Variants in YOD1 observed in about 807,000 individuals in gnomAD.
YOD1 encodes ubiquitin thioesterase OTU1.
YOD1 carries 17 observed loss-of-function variants against 23.7 expected under a neutral mutation model. The ratio of observed to expected loss-of-function variants is 0.72; its 90% confidence interval spans 0.49 to 1.07. The LOEUF is 1.07. YOD1 is among the 50% of genes least tolerant of loss of function. The probability of loss-of-function intolerance (pLI) is 0.00; values close to 1 mark genes in which losing one functional copy is unlikely to be tolerated. For synonymous variants in YOD1, 191 were observed against 169.6 expected (o/e 1.13, Z -0.98); for missense variants, 413 against 447.2 (o/e 0.92, Z 0.69).
chr1:207,046,936 T>G lies in YOD1; in HGVS notation c.*2084A>C, dbSNP rs960145030. On this transcript the variant is annotated 3_prime_UTR_variant, in exon 2 of 2. Coordinates refer to ENST00000315927, the MANE Select transcript of YOD1 (RefSeq NM_018566.4). ...TAGATCTAAAGCTGTAGTAAGCAAA[T>G]GTCAACTCTGTGTCCTGAAGTAGCA... The G allele has an allele frequency of 6.6e-6, 1 of 152,024 alleles. No homozygotes were observed. Among genetic ancestry groups the G allele is most frequent in the African/African-American group, 2.4e-5 (1 of 41,368 alleles). 9.4% of individuals were successfully genotyped at this position (152,024 alleles called of 1,614,324 possible).
Position 207,048,805 on chromosome 1 carries a change from C to T in YOD1, c.*215G>A. 1 of 523,206 alleles carries T rather than the reference C, an allele frequency of 1.9e-6. No individual in the cohort carries two copies. The highest frequency in any genetic ancestry group is 3.4e-6 in the Non-Finnish European group (1 of 295,810). The allele number at this position is 523,206 out of a possible 1,614,324, so 32.4% of individuals were successfully genotyped here. On this transcript the variant is annotated 3_prime_UTR_variant, in exon 2 of 2. Coordinates refer to ENST00000315927, the MANE Select transcript of YOD1 (RefSeq NM_018566.4). Reference sequence around the variant, plus strand: ...ATTCTGTCACTCCAGCAGAAAGAGGCATGTATGTACAGTTTACCACTGTAG... The same window carrying T: ...ATTCTGTCACTCCAGCAGAAAGAGGTATGTATGTACAGTTTACCACTGTAG...
rs1382206660 is a variant in YOD1, at chr1:207,048,993, A to T, written c.*27T>A. On this transcript the variant is annotated 3_prime_UTR_variant, in exon 2 of 2. Coordinates refer to ENST00000315927, the MANE Select transcript of YOD1 (RefSeq NM_018566.4). ...GAGCCTTCTGGATGTGTGAGGTAGT[A>T]GGCTTCAACCCTCATTCATGCATAG... 6.3e-7 allele frequency: 1 copy of T among 1,593,638 alleles called. No homozygotes were observed.
intron 1 of YOD1, among the ~76,000 whole-genome samples, chr1:207,050,019 C>T (rs1682698236): frequency 6.6e-6 from 1 of 152,296 alleles, no homozygotes; most frequent in South Asian, 2.1e-4. Context: ...ATTTCCTTTC[C>T]TTATACAGTA....
upstream of YOD1, chr1:207,052,407 A>G: frequency 1.8e-6 from 1 of 553,654 alleles, no homozygotes; most frequent in East Asian, 3.1e-5. Flanking sequence ...CACACCTGTA[A>G]TCCCAGCACT....
At chr1:207,050,250 G>C (rs561262309) in intron 1 of YOD1, among the ~76,000 whole-genome samples, 1 of 152,046 alleles carries the variant, frequency 6.6e-6, no homozygotes, top group Non-Finnish European at 1.5e-5. Context: ...TCGAAAATGA[G>C]TATGCCTGTC....
Position 207,045,905 on chromosome 1 carries a change from G to A in YOD1, c.*3115C>T, listed in dbSNP as rs920197857. ...GGGTCAAACTGACCAGCAGTCAAGC[G>A]TCAAGGGTACCACTTGACTATGCTA... On this transcript the variant is annotated 3_prime_UTR_variant, in exon 2 of 2. Coordinates refer to ENST00000315927, the MANE Select transcript of YOD1 (RefSeq NM_018566.4). 3.9e-5 allele frequency: 6 copies of A among 152,164 alleles called. No homozygotes were observed. The highest frequency in any genetic ancestry group is 2.1e-4 in the South Asian group (1 of 4,832). The allele number at this position is 152,164 out of a possible 1,614,324, so 9.4% of individuals were successfully genotyped here.
At position 207,046,293 on chromosome 1, in the gene YOD1, G is replaced by A. The variant is rs932168667; in HGVS notation, c.*2727C>T. 4 of 152,028 alleles carry A rather than the reference G, an allele frequency of 2.6e-5. No homozygotes were observed. Among genetic ancestry groups the A allele is most frequent in the African/African-American group, 9.7e-5 (4 of 41,420 alleles). 9.4% of individuals were successfully genotyped at this position (152,028 alleles called of 1,614,324 possible). ...AAGACATTTAATCCTCCTGAAAGTT[G>A]TAAGTCCATAGATTTTCAAAATTCC... On this transcript the variant is annotated 3_prime_UTR_variant, in exon 2 of 2. Coordinates refer to ENST00000315927, the MANE Select transcript of YOD1 (RefSeq NM_018566.4).
At position 207,050,977 on chromosome 1, in the gene YOD1, G is replaced by A. The variant is rs563387440; in HGVS notation, c.54C>T (p.Phe18=). Residue 18 remains phenylalanine (F), a synonymous_variant, in exon 1 of 2, where the codon TTC becomes TTT. Coordinates refer to ENST00000315927, the MANE Select transcript of YOD1 (RefSeq NM_018566.4). ...CAGCCTGTTGGGAGACGCCGCCGGG[G>A]AAACCAGGCGCCGGGTGGACTCCAA... The part of the protein sequence containing the change: ...RHFGVHPAPG[F]PGGVSQQAAG... 17 of 1,539,604 alleles carry A rather than the reference G, an allele frequency of 1.1e-5. No individual in the cohort carries two copies. The highest frequency in any genetic ancestry group is 1.3e-5 in the Non-Finnish European group (15 of 1,139,708).
rs1350673396 is a variant in YOD1 at position 207,047,121 on chromosome 1, G to C, written c.*1899C>G. 1 of 152,508 alleles carries C rather than the reference G, an allele frequency of 6.6e-6. No homozygotes were observed. The highest frequency in any genetic ancestry group is 1.9e-4 in the East Asian group (1 of 5,200). 9.4% of individuals were successfully genotyped at this position (152,508 alleles called of 1,614,324 possible). On this transcript the variant is annotated 3_prime_UTR_variant, in exon 2 of 2. Transcript: ENST00000315927. ...ACCATCCAGATCAGATGAGAGTCAGGTGTGGAGAGATTTTCAATCCCATTA... is the reference window on the plus strand; with the variant it reads ...ACCATCCAGATCAGATGAGAGTCAGCTGTGGAGAGATTTTCAATCCCATTA...
chr1:207,049,179 T>G lies in YOD1; in HGVS notation c.888A>C (p.Gln296His). The part of the protein sequence containing the change: ...FSSNDDIVLV[Q>H]ALELADEARR... ...TAGCTTCATCTGCTAATTCCAGTGC[T>G]TGTACAAGAACAATATCATCATTAG... The change falls in exon 2 of 2, where the codon CAA becomes CAC. Residue 296 changes from glutamine to histidine, a missense_variant. By Grantham distance (24) the Gln-to-His change is conservative. Transcript: ENST00000315927. The G allele has an allele frequency of 6.2e-7, 1 of 1,614,102 alleles. No individual in the cohort carries two copies. The highest frequency in any genetic ancestry group is 8.5e-7 in the Non-Finnish European group (1 of 1,180,016).
At position 207,046,833 on chromosome 1, in the gene YOD1, CAT is replaced by C. The variant is rs1682609732; in HGVS notation, c.*2185_*2186del. The C allele has an allele frequency of 6.6e-6, 1 of 151,978 alleles. No individual in the cohort carries two copies. Among genetic ancestry groups the C allele is most frequent in the Non-Finnish European group, 1.5e-5 (1 of 67,920 alleles). The allele number at this position is 151,978 out of a possible 1,614,324, so 9.4% of individuals were successfully genotyped here. ...AAACTTATGTTGGAACATATCAAAA[CAT>C]ATGACAGAAACATATCAAAACATGC... On this transcript the variant is annotated 3_prime_UTR_variant, in exon 2 of 2. Coordinates refer to ENST00000315927, the MANE Select transcript of YOD1 (RefSeq NM_018566.4).
In YOD1 at chr1:207,049,181, G is replaced by A; in HGVS notation, c.886C>T (p.Gln296Ter). 1 of 1,614,038 alleles carries A rather than the reference G, an allele frequency of 6.2e-7. No individual in the cohort carries two copies. Among genetic ancestry groups the A allele is most frequent in the African/African-American group, 1.3e-5 (1 of 75,002 alleles). Residue 296 changes from glutamine to a stop codon, truncating the protein, a stop_gained, in exon 2 of 2, where the codon CAA becomes TAA. Coordinates refer to ENST00000315927, the MANE Select transcript of YOD1 (RefSeq NM_018566.4). LOFTEE classifies it high-confidence loss of function. ...GCTTCATCTGCTAATTCCAGTGCTT[G>A]TACAAGAACAATATCATCATTAGAG... ...FSSNDDIVLV[Q>*]ALELADEARR...
rs1682630143 is a variant in YOD1 at position 207,047,625 on chromosome 1, G to A, written c.*1395C>T. The stretch of plus-strand genomic sequence containing the variant: ...TAGCATCCCTGATCAGAATAATTAA[G>A]AAAAGAGGTAGAAAACTTTTATCTG... On this transcript the variant is annotated 3_prime_UTR_variant, in exon 2 of 2. Coordinates refer to ENST00000315927, the MANE Select transcript of YOD1 (RefSeq NM_018566.4). 1 of 152,610 alleles carries A rather than the reference G, an allele frequency of 6.6e-6. No individual in the cohort carries two copies. Among genetic ancestry groups the A allele is most frequent in the Admixed American group, 6.5e-5 (1 of 15,284 alleles). 9.5% of individuals were successfully genotyped at this position (152,610 alleles called of 1,614,324 possible). A position where few individuals can be genotyped will look rare whatever the true frequency, so the allele number is the denominator to read the frequency against.
Position 207,045,181 on chromosome 1 carries a change from A to T in YOD1, c.*3839T>A, listed in dbSNP as rs1014135808. 2 of 152,440 alleles carry T rather than the reference A, an allele frequency of 1.3e-5. No individual in the cohort carries two copies. The highest frequency in any genetic ancestry group is 4.8e-5 in the African/African-American group (2 of 41,430). 9.4% of individuals were successfully genotyped at this position (152,440 alleles called of 1,614,324 possible). A position where few individuals can be genotyped will look rare whatever the true frequency, so the allele number is the denominator to read the frequency against. Reference sequence around the variant, plus strand: ...TCAGCTTCCTTATAAGTCTGCTTGGAAACAAGTTTTAAGGATCGAATCTTT... The same window carrying T: ...TCAGCTTCCTTATAAGTCTGCTTGGTAACAAGTTTTAAGGATCGAATCTTT... On this transcript the variant is annotated 3_prime_UTR_variant, in exon 2 of 2. Transcript: ENST00000315927.
rs1682618379 is a variant in YOD1 at position 207,047,116 on chromosome 1, G to A, written c.*1904C>T. ...CCAAAACCATCCAGATCAGATGAGA[G>A]TCAGGTGTGGAGAGATTTTCAATCC... On this transcript the variant is annotated 3_prime_UTR_variant, in exon 2 of 2. Transcript: ENST00000315927. 1 of 152,552 alleles carries A rather than the reference G, an allele frequency of 6.6e-6. No homozygotes were observed. Among genetic ancestry groups the A allele is most frequent in the South Asian group, 2.1e-4 (1 of 4,838 alleles). 9.4% of individuals were successfully genotyped at this position (152,552 alleles called of 1,614,324 possible). A position where few individuals can be genotyped will look rare whatever the true frequency, so the allele number is the denominator to read the frequency against.
Position 207,045,703 on chromosome 1 carries a change from C to A in YOD1, c.*3317G>T, listed in dbSNP as rs1682584566. On this transcript the variant is annotated 3_prime_UTR_variant, in exon 2 of 2. Transcript: ENST00000315927. ...ATGTTTAGCTTAGGGCAACTTGCAACACCCACGTTTTAATCCCTCCACAGA... is the reference window on the plus strand; with the variant it reads ...ATGTTTAGCTTAGGGCAACTTGCAAAACCCACGTTTTAATCCCTCCACAGA... 1 of 151,798 alleles carries A rather than the reference C, an allele frequency of 6.6e-6. No individual in the cohort carries two copies. The highest frequency in any genetic ancestry group is 2.1e-4 in the South Asian group (1 of 4,824). 9.4% of individuals were successfully genotyped at this position (151,798 alleles called of 1,614,324 possible).
In YOD1 at chr1:207,050,927, C is replaced by A. The variant is rs1243070914; in HGVS notation, c.104G>T (p.Gly35Val). 6.3e-7 allele frequency: 1 copy of A among 1,589,684 alleles called. No homozygotes were observed. Among genetic ancestry groups the A allele is most frequent in the East Asian group, 2.3e-5 (1 of 43,498 alleles). ...GGTCCGGCTGCCCACAGGCCAGGCA[C>A]CCGCGGGGCCAGCTTTGGTCCCGGC... ...QAAGTKAGPA[G>V]AWPVGSRTDT... The change falls in exon 1 of 2, where the codon GGT becomes GTT. Residue 35 changes from glycine to valine, a missense_variant. Coordinates refer to ENST00000315927, the MANE Select transcript of YOD1 (RefSeq NM_018566.4).
chr1:207,045,787 T>G lies in YOD1; in HGVS notation c.*3233A>C, dbSNP rs562994275. 2.0e-5 allele frequency: 3 copies of G among 151,976 alleles called. No individual in the cohort carries two copies. The highest frequency in any genetic ancestry group is 4.4e-5 in the Non-Finnish European group (3 of 67,906). 9.4% of individuals were successfully genotyped at this position (151,976 alleles called of 1,614,324 possible). A position where few individuals can be genotyped will look rare whatever the true frequency, so the allele number is the denominator to read the frequency against. On this transcript the variant is annotated 3_prime_UTR_variant, in exon 2 of 2. Transcript: ENST00000315927. ...CATTTAGGGACACAGACAAATTAGA[T>G]AGATAACATAATGTTAGTTAATTCC...
rs1477684635 is a variant in YOD1, at chr1:207,049,269, G to T, written c.798C>A (p.Ile266=). ...TKRVLLIYDG[I]HYDPLQRNFP... is the part of the protein sequence containing the mutation. ...AGTTACGCTGAAGTGGATCATAGTG[G>T]ATGCCATCATAAATAAGCAGAACCC... The change falls in exon 2 of 2, where the codon ATC becomes ATA. Residue 266 remains isoleucine (I), a synonymous_variant. Coordinates refer to ENST00000315927, the MANE Select transcript of YOD1 (RefSeq NM_018566.4). 3 of 1,613,966 alleles carry T rather than the reference G, an allele frequency of 1.9e-6. No homozygotes were observed. The highest frequency in any genetic ancestry group is 2.5e-6 in the Non-Finnish European group (3 of 1,180,034).
Sources: allele counts gnomAD v4.1 joint callset (sites outside exome capture counted in the v4.1 genomes callset), GRCh38; gene constraint gnomAD v4.1.1; transcripts MANE v1.5; gene names NCBI Gene and HGNC (gene_info 2026-07-23, HGNC 2026-07-21).